The following ACAD10 variants were observed in gnomAD, a reference collection of about 807,000 sequenced individuals.
ACAD10 encodes the protein acyl-CoA dehydrogenase family member 10, also known as ACAD-10.
Under a neutral mutation model 116.8 loss-of-function variants are expected in ACAD10, and 112 were observed. The observed-to-expected ratio is 0.96, with a 90% CI of 0.82 to 1.12. The LOEUF is 1.12. Among genes scored for constraint, ACAD10 ranks in the 50% most tolerant of loss-of-function variants. ACAD10 has a pLI of 0.00. For synonymous variants in ACAD10, 486 were observed against 510.6 expected (o/e 0.95, Z 0.65); for missense variants, 1,259 against 1,350.2 (o/e 0.93, Z 1.06).
At chr12:111,687,893 G>A (rs780886147) in intron 1 of ACAD10, among the ~76,000 whole-genome samples, 2 of 151,080 alleles carry the variant, frequency 1.3e-5, no homozygotes, top group Admixed American at 6.6e-5. Flanking sequence ...ATTTTGAGAC[G>A]GAGTCTCACT....
chr12:111,747,560 C>T lies in ACAD10; in HGVS notation c.2485+175C>T, dbSNP rs148003714. 12 of 1,440,762 alleles carry T rather than the reference C, an allele frequency of 8.3e-6. No individual in the cohort carries two copies. In the African/African-American group the frequency reaches 1.7e-4, roughly 20 times the overall value. The allele number at this position is 1,440,762 out of a possible 1,614,324, so 89.2% of individuals were successfully genotyped here. A position where few individuals can be genotyped will look rare whatever the true frequency, so the allele number is the denominator to read the frequency against. On this transcript the variant is annotated intron_variant, in intron 16 of 20. Transcript: ENST00000313698. ...GAATAGGAGGGTAATCCGTGGAGCA[C>T]ACTGTTCTCAGAGGTGGCACTTCAC...
At chr12:111,703,131 T>A (rs889997271) in intron 3 of ACAD10, among the ~76,000 whole-genome samples, 13 of 152,020 alleles carry the variant, frequency 8.6e-5, no homozygotes, top group African/African-American at 3.1e-4. Context: ...CAGCATATAT[T>A]TTTTTAATGT....
chr12:111,689,401 A>G (rs917251230), intron 1 of ACAD10, among the ~76,000 whole-genome samples: 5 of 151,580 alleles, frequency 3.3e-5, no homozygotes, highest in Admixed American at 2.0e-4. Flanking sequence ...GTCTCACTCT[A>G]TAACCCCGGC....
chr12:111,703,331 A>G (rs1347920438), intron 3 of ACAD10, among the ~76,000 whole-genome samples: 1 of 152,128 alleles, frequency 6.6e-6, no homozygotes, highest in Non-Finnish European at 1.5e-5. Context: ...TGTCTACATA[A>G]TGGCTTTGAT....
chr12:111,754,490 G>C (rs917424801), intron 19 of ACAD10, among the ~76,000 whole-genome samples: 2 of 152,032 alleles, frequency 1.3e-5, no homozygotes, highest in Non-Finnish European at 2.9e-5. Context: ...TCACCATGTT[G>C]CCCAGGCTAA....
intron 13 of ACAD10, among the ~76,000 whole-genome samples, chr12:111,745,801 T>G (rs1889873853): frequency 2.0e-5 from 3 of 151,236 alleles, no homozygotes; most frequent in African/African-American, 7.3e-5. Context: ...CCTCCCAAAG[T>G]GCTGGGATTA....
intron 3 of ACAD10, among the ~76,000 whole-genome samples, chr12:111,703,602 C>G (rs907240953): frequency 6.6e-6 from 1 of 152,024 alleles, no homozygotes; most frequent in African/African-American, 2.4e-5. Flanking sequence ...TTTTGGGAGG[C>G]CAAGGAGGGC....
chr12:111,721,217 G>A (rs192574034), intron 7 of ACAD10, among the ~76,000 whole-genome samples: 10 of 152,024 alleles, frequency 6.6e-5, no homozygotes, highest in Admixed American at 5.3e-4. Context: ...CTACTTTTGG[G>A]TCAATTGAAT....
chr12:111,725,715 A>G (rs1253188542), intron 8 of ACAD10, among the ~76,000 whole-genome samples: 1 of 151,652 alleles, frequency 6.6e-6, no homozygotes, highest in African/African-American at 2.4e-5. Flanking sequence ...TTGTATTTTT[A>G]ATGGAGACGG....
At chr12:111,700,199 G>A (rs1453572101) in intron 2 of ACAD10, among the ~76,000 whole-genome samples, 1 of 152,106 alleles carries the variant, frequency 6.6e-6, no homozygotes, top group African/African-American at 2.4e-5. Context: ...TAAAAAAATA[G>A]ATAGGAGACA....
chr12:111,695,480 T>G (rs546365930), intron 2 of ACAD10, among the ~76,000 whole-genome samples: 2 of 152,268 alleles, frequency 1.3e-5, no homozygotes, highest in South Asian at 4.2e-4. Flanking sequence ...ATATTTTTGT[T>G]TGCAGTGGGA....
At chr12:111,687,129 A>T (rs1887888653) in intron 1 of ACAD10, among the ~76,000 whole-genome samples, 1 of 152,174 alleles carries the variant, frequency 6.6e-6, no homozygotes. Flanking sequence ...TACTCTAGGT[A>T]CATTGTATAA....
intron 2 of ACAD10, among the ~76,000 whole-genome samples, chr12:111,700,723 T>TTTCCTTCCTTCC (rs1174883043): frequency 3.3e-5 from 5 of 150,488 alleles, no homozygotes; most frequent in African/African-American, 1.2e-4. Flanking sequence ...GTCCTTTTAC[T>TTTCCTTCCTTCC]TTCCTTCCTT....
intron 13 of ACAD10, 192 bp downstream of exon 13, chr12:111,745,235 G>C: frequency 1.5e-6 from 1 of 668,762 alleles, no homozygotes; most frequent in Admixed American, 3.1e-5. Context: ...TGCTGTGCCT[G>C]TGTCACAGGC....
chr12:111,725,716 A>T (rs1298459630), intron 8 of ACAD10, among the ~76,000 whole-genome samples: 1 of 151,576 alleles, frequency 6.6e-6, no homozygotes, highest in Non-Finnish European at 1.5e-5. Flanking sequence ...TGTATTTTTA[A>T]TGGAGACGGG....
At chr12:111,696,094 C>T (rs1180241176) in intron 2 of ACAD10, among the ~76,000 whole-genome samples, 1 of 151,172 alleles carries the variant, frequency 6.6e-6, no homozygotes, top group African/African-American at 2.4e-5. Flanking sequence ...TGGGATCGCG[C>T]TCTGTTTCTT....
chr12:111,704,503 G>T (rs1888440436), intron 3 of ACAD10, among the ~76,000 whole-genome samples: 1 of 151,830 alleles, frequency 6.6e-6, no homozygotes, highest in African/African-American at 2.4e-5. Flanking sequence ...GCACAACTTT[G>T]TAAATATATT....
intron 1 of ACAD10, among the ~76,000 whole-genome samples, chr12:111,692,250 G>C (rs1172149160): frequency 6.6e-6 from 1 of 152,218 alleles, no homozygotes; most frequent in East Asian, 1.9e-4. Context: ...TTACAGGAGT[G>C]AGCCACCACA....
intron 16 of ACAD10, chr12:111,747,723 C>G: frequency 1.8e-6 from 2 of 1,141,960 alleles, no homozygotes; most frequent in South Asian, 4.6e-5. Context: ...GCTCCTCGAT[C>G]AGGTGTGTTA....
Sources: allele counts gnomAD v4.1 joint callset (sites outside exome capture counted in the v4.1 genomes callset), GRCh38; gene constraint gnomAD v4.1.1; transcripts MANE v1.5; gene names NCBI Gene and HGNC (gene_info 2026-07-23, HGNC 2026-07-21).